NTNG1: variants seen among roughly 807,000 people sequenced by gnomAD.
NTNG1 encodes the protein netrin-G1.
In NTNG1, 16 loss-of-function variants were observed where a neutral mutation model predicts 54.0. The observed-to-expected ratio is 0.30, with a 90% confidence interval of 0.20 to 0.45. The LOEUF (loss-of-function observed/expected upper bound fraction) is 0.45, where lower values mean the gene tolerates loss of function less well. Ranked by LOEUF, NTNG1 falls within the 20% of genes least tolerant of loss-of-function variation. NTNG1 has a pLI of 1.00. For missense variants in NTNG1, 530 were observed against 678.7 expected (o/e 0.78, Z 2.43); for synonymous variants, 255 against 263.1 (o/e 0.97, Z 0.30).
intron 3 of NTNG1, among the ~76,000 whole-genome samples, chr1:107,354,767 C>T (rs557002136): frequency 7.4e-4 from 112 of 152,256 alleles, no homozygotes; most frequent in African/African-American, 2.5e-3. Flanking sequence ...GTGGCCTGCA[C>T]GCTTCCTCAT....
Position 107,263,026 on chromosome 1 carries a change from A to G in NTNG1, c.247-61256A>G, listed in dbSNP as rs537111878. ...ACAAATAATGCAAAGTTGGTCACTT[A>G]CTCATGTGTGAGTTACTGTGCAAAC... On this transcript the variant is annotated intron_variant, in intron 2 of 7. Coordinates refer to ENST00000370068, the MANE Select transcript of NTNG1 (RefSeq NM_001113226.3). Among the ~76,000 whole-genome samples the G allele has an allele frequency of 3.7e-4, 55 of 148,990 alleles. No individual in the cohort carries two copies. In the South Asian group the frequency reaches 0.011, roughly 29 times the overall value.
rs550800776 is a variant in NTNG1, at chr1:107,220,747, T to C, written c.246+71908T>C. 2.0e-5 allele frequency among the ~76,000 whole-genome samples: 3 copies of C among 152,314 alleles called. No individual in the cohort carries two copies. The East Asian group carries it at 5.8e-4, about 29-fold the overall frequency. On this transcript the variant is annotated intron_variant, in intron 2 of 7. Transcript: ENST00000370068. Reference sequence around the variant, plus strand: ...CATAAGATAAATGCCTAATGGATCTTTATCATTAAGACTCTATGCATTTCC... The same window carrying C: ...CATAAGATAAATGCCTAATGGATCTCTATCATTAAGACTCTATGCATTTCC...
At chr1:107,152,593 A>G (rs1654662487) in intron 2 of NTNG1, among the ~76,000 whole-genome samples, 1 of 152,220 alleles carries the variant, frequency 6.6e-6, no homozygotes, top group Non-Finnish European at 1.5e-5. Flanking sequence ...ATGTGTGTTT[A>G]TACAATTTAT....
In NTNG1 at chr1:107,459,844, G is replaced by A. The variant is rs904896504; in HGVS notation, c.1391-20767G>A. ...GCAGCATTTTAAGATGGAGCCAGCC[G>A]GGTACTCCTAGGGCAAATTATTTGC... On this transcript the variant is annotated intron_variant, in intron 7 of 7. Transcript: ENST00000370068. Among the ~76,000 whole-genome samples, 10 of 152,118 alleles carry A rather than the reference G, an allele frequency of 6.6e-5. No homozygotes were observed. The South Asian group carries it at 8.3e-4, about 13-fold the overall frequency.
chr1:107,363,543 C>T (rs1461070941), intron 3 of NTNG1, among the ~76,000 whole-genome samples: 2 of 151,950 alleles, frequency 1.3e-5, no homozygotes, highest in African/African-American at 4.8e-5. Context: ...AATAATTATC[C>T]CACTATTATT....
intron 3 of NTNG1, among the ~76,000 whole-genome samples, chr1:107,340,331 G>A (rs998645714): frequency 6.6e-6 from 1 of 152,020 alleles, no homozygotes; most frequent in Non-Finnish European, 1.5e-5. Flanking sequence ...TGAGTAAAAT[G>A]TGGACTTGCA....
intron 2 of NTNG1, among the ~76,000 whole-genome samples, chr1:107,222,782 A>G (rs1185807940): frequency 6.7e-6 from 1 of 150,112 alleles, no homozygotes; most frequent in African/African-American, 2.5e-5. Flanking sequence ...GCCTAGAGAA[A>G]GGGAAGACCA....
chr1:107,411,285 G>A (rs866543512), intron 5 of NTNG1, among the ~76,000 whole-genome samples: 1 of 152,092 alleles, frequency 6.6e-6, no homozygotes, highest in African/African-American at 2.4e-5. Context: ...CTTCATCACA[G>A]AGTTAAAAAT....
intron 4 of NTNG1, chr1:107,395,589 G>C (rs1409778906): frequency 1.6e-6 from 1 of 629,780 alleles, no homozygotes; most frequent in African/African-American, 1.8e-5. Context: ...TTTATAAGTG[G>C]ATGAGACAGG....
At chr1:107,426,983 G>T (rs941753486) in intron 5 of NTNG1, among the ~76,000 whole-genome samples, 1 of 152,034 alleles carries the variant, frequency 6.6e-6, no homozygotes, top group South Asian at 2.1e-4. Context: ...TTTGCAGCTT[G>T]AATATTATTG....
intron 3 of NTNG1, among the ~76,000 whole-genome samples, chr1:107,351,595 T>A (rs568080726): frequency 3.3e-5 from 5 of 152,294 alleles, no homozygotes; most frequent in Admixed American, 6.5e-5. Flanking sequence ...ACCTCCAGCA[T>A]TGGTTATTAC....
intron 5 of NTNG1, among the ~76,000 whole-genome samples, chr1:107,423,948 CATTT>C (rs1183563032): frequency 1.3e-5 from 2 of 152,094 alleles, no homozygotes; most frequent in African/African-American, 4.8e-5. Context: ...TTCATTCATT[CATTT>C]GACAATATTT....
rs1678676793 is a variant in NTNG1 at position 107,480,970 on chromosome 1, CCTAACTGAA to C, written c.*135_*143del. 3 of 669,090 alleles carry C rather than the reference CCTAACTGAA, an allele frequency of 4.5e-6. No individual in the cohort carries two copies. The Admixed American group carries it at 8.3e-5, about 18-fold the overall frequency. 41.4% of individuals were successfully genotyped at this position (669,090 alleles called of 1,614,324 possible). A position where few individuals can be genotyped will look rare whatever the true frequency, so the allele number is the denominator to read the frequency against. On this transcript the variant is annotated 3_prime_UTR_variant, in exon 8 of 8. Transcript: ENST00000370068. The stretch of plus-strand genomic sequence containing the variant: ...TCAGACAGTGTACAAACTAAGAAGG[CCTAACTGAA>C]CTAAGCCATATTTATCACCCGTGGA...
intron 2 of NTNG1, among the ~76,000 whole-genome samples, chr1:107,164,963 G>A (rs1557773511): frequency 6.6e-6 from 1 of 152,158 alleles, no homozygotes; most frequent in Non-Finnish European, 1.5e-5. Context: ...GGACCGCACA[G>A]TCTAAGCTAA....
At chr1:107,164,718 G>A (rs1466013224) in intron 2 of NTNG1, among the ~76,000 whole-genome samples, 1 of 152,204 alleles carries the variant, frequency 6.6e-6, no homozygotes, top group African/African-American at 2.4e-5. Flanking sequence ...GATTTGTGCA[G>A]TAATGGTTTT....
intron 3 of NTNG1, among the ~76,000 whole-genome samples, chr1:107,384,434 GCT>G (rs537043470): frequency 4.0e-5 from 6 of 151,332 alleles, no homozygotes; most frequent in Non-Finnish European, 1.5e-5. Context: ...CAAGCCAATT[GCT>G]CTCTCTCTCT....
Position 107,296,803 on chromosome 1 carries a change from T to TTA in NTNG1, c.247-27472_247-27471dup, listed in dbSNP as rs926368028. Among the ~76,000 whole-genome samples, 184 of 148,830 alleles carry TTA rather than the reference T, an allele frequency of 1.2e-3. 1 individual carries two copies. Among genetic ancestry groups the TTA allele is most frequent in the African/African-American group, 4.4e-3 (179 of 40,952 alleles). On this transcript the variant is annotated intron_variant, in intron 2 of 7. Coordinates refer to ENST00000370068, the MANE Select transcript of NTNG1 (RefSeq NM_001113226.3). ...ATATAAAATATATATTAGACATCTA[T>TTA]TATATATACATATAACTAAAAGATA... is the stretch of plus-strand genomic sequence containing the variant.
At chr1:107,368,708 G>T (rs1008576973) in intron 3 of NTNG1, among the ~76,000 whole-genome samples, 6 of 152,278 alleles carry the variant, frequency 3.9e-5, no homozygotes, top group African/African-American at 1.4e-4. Flanking sequence ...GACAGATAAA[G>T]AAACTGAGTC....
chr1:107,152,875 TA>T (rs1399016325), intron 2 of NTNG1, among the ~76,000 whole-genome samples: 3 of 152,202 alleles, frequency 2.0e-5, no homozygotes, highest in Non-Finnish European at 4.4e-5. Context: ...ATAACCTCAT[TA>T]TGTTTACTGA....
Sources: gnomAD v4.1 joint callset for allele counts (sites outside exome capture counted in the v4.1 genomes callset) on GRCh38, gnomAD v4.1.1 for gene constraint, MANE v1.5 for transcripts, NCBI Gene and HGNC (gene_info 2026-07-23, HGNC 2026-07-21) for gene names.